Variants in FOXP2 observed in about 807,000 individuals in gnomAD.
The protein encoded by FOXP2 is forkhead box protein P2.
Under a neutral mutation model 115.8 loss-of-function variants are expected in FOXP2, and 12 were observed. That is an observed-to-expected ratio of 0.10 (90% CI 0.07 to 0.17). FOXP2 has a LOEUF of 0.17. Ranked by LOEUF, FOXP2 falls within the 10% of genes least tolerant of loss-of-function variation. FOXP2 has a pLI of 1.00. For synonymous variants in FOXP2, 328 were observed against 297.7 expected, an observed-to-expected ratio of 1.10 and a Z score of -1.05; for missense variants, 629 against 843.5, an observed-to-expected ratio of 0.75 and a Z score of 3.15.
At chr7:114,296,371 T>A (rs1298500090) in intron 2 of FOXP2, among the ~76,000 whole-genome samples, 1 of 152,152 alleles carries the variant, frequency 6.6e-6, no homozygotes, top group Non-Finnish European at 1.5e-5. Flanking sequence ...GAATCCTAAG[T>A]TTGGAAAATA....
At chr7:114,626,080 A>G (rs1189706041) in intron 3 of FOXP2, among the ~76,000 whole-genome samples, 1 of 151,814 alleles carries the variant, frequency 6.6e-6, no homozygotes, top group African/African-American at 2.4e-5. Flanking sequence ...ACATGTGACC[A>G]TTTAAAACAT....
intron 3 of FOXP2, among the ~76,000 whole-genome samples, chr7:114,615,888 C>T (rs535537820): frequency 6.6e-6 from 1 of 152,266 alleles, no homozygotes; most frequent in South Asian, 2.1e-4. Context: ...TTTTATTCCT[C>T]AGGTTTTAGC....
chr7:114,589,642 C>A (rs183019728), intron 3 of FOXP2, among the ~76,000 whole-genome samples: 9 of 152,264 alleles, frequency 5.9e-5, no homozygotes, highest in Admixed American at 5.9e-4. Context: ...AAAGCCATTT[C>A]TGTGAGAAAG....
intron 2 of FOXP2, among the ~76,000 whole-genome samples, chr7:114,435,340 G>A (rs920484037): frequency 6.6e-5 from 10 of 152,072 alleles, no homozygotes; most frequent in African/African-American, 2.4e-4. Context: ...CAGAAAAAGG[G>A]TAGAAAGAAT....
chr7:114,167,327 A>G lies in FOXP2; in HGVS notation c.-102+4239A>G, dbSNP rs189977666. ...TATGTACTGCTAAGTGATTGAAGCT[A>G]TATGAAGTGGCTGCATACTGTATGA... On this transcript the variant is annotated intron_variant, in intron 1 of 17. Coordinates refer to the FOXP2 transcript ENST00000634411. Among the ~76,000 whole-genome samples, 18 of 152,350 alleles carry G rather than the reference A, an allele frequency of 1.2e-4. No individual in the cohort carries two copies. In the East Asian group the frequency reaches 3.5e-3, roughly 29 times the overall value.
chr7:114,266,965 G>T (rs1001028421), intron 1 of FOXP2, among the ~76,000 whole-genome samples: 1 of 152,070 alleles, frequency 6.6e-6, no homozygotes, highest in African/African-American at 2.4e-5. Flanking sequence ...AATTAGTGTT[G>T]TAATCATCTT....
At chr7:114,562,035 C>A (rs904552435) in intron 3 of FOXP2, among the ~76,000 whole-genome samples, 4 of 152,128 alleles carry the variant, frequency 2.6e-5, no homozygotes, top group South Asian at 2.1e-4. Context: ...TTGCACCATA[C>A]TCTCTTGTTA....
At chr7:114,129,916 AT>A (rs1445908779) in intron 1 of FOXP2, among the ~76,000 whole-genome samples, 8 of 152,228 alleles carry the variant, frequency 5.3e-5, no homozygotes, top group South Asian at 2.1e-4. Flanking sequence ...ACTTTGAAAA[AT>A]TATTTTTTAG....
chr7:114,229,692 A>G (rs1024365546), intron 1 of FOXP2, among the ~76,000 whole-genome samples: 1 of 151,724 alleles, frequency 6.6e-6, no homozygotes, highest in African/African-American at 2.4e-5. Context: ...ATCTCTTGAG[A>G]TTAAAAAAAA....
rs544227723 is a variant in FOXP2, at chr7:114,140,779, G to C, written c.-246-22165G>C. On this transcript the variant is annotated intron_variant, in intron 1 of 19. Coordinates refer to the FOXP2 transcript ENST00000635638. Reference sequence around the variant, plus strand: ...CAGTGGCAATCAACTAAAGGTGCTGGCTGCCCCAGGCTCCTTTAGCCACCC... The same window carrying C: ...CAGTGGCAATCAACTAAAGGTGCTGCCTGCCCCAGGCTCCTTTAGCCACCC... Among the ~76,000 whole-genome samples, 5 of 152,292 alleles carry C rather than the reference G, an allele frequency of 3.3e-5. No individual in the cohort carries two copies. The East Asian group carries it at 9.7e-4, about 29-fold the overall frequency.
intron 2 of FOXP2, among the ~76,000 whole-genome samples, chr7:114,330,973 C>T (rs1797694898): frequency 6.6e-6 from 1 of 152,134 alleles, no homozygotes; most frequent in South Asian, 2.1e-4. Flanking sequence ...AATATCTATT[C>T]TAATTTGTAG....
chr7:114,557,699 T>A (rs1336445204), intron 3 of FOXP2, among the ~76,000 whole-genome samples: 1 of 152,186 alleles, frequency 6.6e-6, no homozygotes, highest in Non-Finnish European at 1.5e-5. Context: ...GTATCTCTAA[T>A]GGCAATGCAA....
chr7:114,120,580 T>C (rs2129143609), intron 1 of FOXP2, among the ~76,000 whole-genome samples: 1 of 152,060 alleles, frequency 6.6e-6, no homozygotes, highest in African/African-American at 2.4e-5. Flanking sequence ...AAAATGCAGT[T>C]CTGAGAGATA....
At chr7:114,478,396 CAA>C (rs1796381747) in intron 2 of FOXP2, among the ~76,000 whole-genome samples, 1 of 151,708 alleles carries the variant, frequency 6.6e-6, no homozygotes, top group African/African-American at 2.4e-5. Context: ...GGAATTTAAA[CAA>C]AGTTATGAAT....
intron 3 of FOXP2, among the ~76,000 whole-genome samples, chr7:114,549,777 G>C (rs1057227975): frequency 6.8e-6 from 1 of 146,488 alleles, no homozygotes; most frequent in Non-Finnish European, 1.5e-5. Context: ...ATTGGATTTT[G>C]TCTTTCAAAT....
chr7:114,586,511 A>T (rs1802138583), intron 3 of FOXP2, among the ~76,000 whole-genome samples: 2 of 152,110 alleles, frequency 1.3e-5, no homozygotes, highest in Admixed American at 1.3e-4. Context: ...TATGCATTGA[A>T]TATGCAAATA....
chr7:114,558,933 G>A (rs1466874723), intron 3 of FOXP2, among the ~76,000 whole-genome samples: 1 of 152,090 alleles, frequency 6.6e-6, no homozygotes, highest in Non-Finnish European at 1.5e-5. Flanking sequence ...AGATGGCAAT[G>A]TATACATTAA....
intron 2 of FOXP2, among the ~76,000 whole-genome samples, chr7:114,365,267 T>A (rs572605390): frequency 1.3e-5 from 2 of 152,264 alleles, no homozygotes; most frequent in South Asian, 2.1e-4. Flanking sequence ...TCTATTTTTT[T>A]AAATGCTGAG....
intron 3 of FOXP2, among the ~76,000 whole-genome samples, chr7:114,547,767 A>G (rs1800004041): frequency 1.3e-5 from 2 of 152,176 alleles, no homozygotes; most frequent in Admixed American, 1.3e-4. Context: ...TCAAAAAAAA[A>G]GAAATGTATG....
Sources: allele counts gnomAD v4.1 joint callset (sites outside exome capture counted in the v4.1 genomes callset), GRCh38; gene constraint gnomAD v4.1.1; transcripts MANE v1.5; gene names NCBI Gene and HGNC (gene_info 2026-07-23, HGNC 2026-07-21).